CHI3L1: variants seen among roughly 807,000 people sequenced by gnomAD.
The protein encoded by CHI3L1 is chitinase-3-like protein 1.
A neutral mutation model predicts 40.7 loss-of-function variants in CHI3L1; 30 were observed. The ratio of observed to expected loss-of-function variants is 0.74; its 90% CI spans 0.55 to 1.00. The LOEUF is 1.00. CHI3L1 is among the 50% of genes least tolerant of loss of function. CHI3L1 has a pLI of 0.00. For missense variants in CHI3L1, 493 were observed against 492.2 expected, an observed-to-expected ratio of 1.00 and a Z score of -0.01; for synonymous variants, 210 against 192.1, an observed-to-expected ratio of 1.09 and a Z score of -0.77.
At chr1:203,180,263 A>G (rs955129748) in intron 8 of CHI3L1, 1 of 580,846 alleles carries the variant, frequency 1.7e-6, no homozygotes, top group African/African-American at 1.9e-5. Context: ...CCAGGTGCCT[A>G]GTGGTGCAGG....
chr1:203,180,487 T>C lies in CHI3L1; in HGVS notation c.877A>G (p.Thr293Ala). ...IPGRFTKEAG[T>A]LAYYEICDFL... ...TCCATTACCTCATAGTAGGCAAGGG[T>C]CCCTGCCTCCTTGGTGAACCGGCCT... Residue 293 changes from threonine to alanine, a missense_variant, in exon 8 of 10, where the codon ACC (threonine) becomes GCC (alanine). By Grantham distance (58) the Thr-to-Ala change is moderately conservative. Transcript: ENST00000255409. The C allele has an allele frequency of 6.3e-7, 1 of 1,595,078 alleles. No individual in the cohort carries two copies. The highest frequency in any genetic ancestry group is 8.5e-7 in the Non-Finnish European group (1 of 1,173,080).
intron 4 of CHI3L1, 38 bp downstream of exon 4, chr1:203,184,538 C>T (rs1299480196): frequency 6.4e-7 from 1 of 1,565,714 alleles, no homozygotes; most frequent in Non-Finnish European, 8.8e-7. Flanking sequence ...CCTATGCCAT[C>T]ATCCTCTGCC....
chr1:203,185,740 G>C (rs561090837), intron 2 of CHI3L1, among the ~76,000 whole-genome samples: 2 of 152,274 alleles, frequency 1.3e-5, no homozygotes, highest in East Asian at 3.9e-4. Flanking sequence ...TTTGTGGGAG[G>C]GGAAGGCCCA....
chr1:203,183,128 C>T (rs1243267513), intron 5 of CHI3L1, among the ~76,000 whole-genome samples: 1 of 152,220 alleles, frequency 6.6e-6, no homozygotes. Context: ...TGGGTGACCC[C>T]TATTGGCCCA....
intron 4 of CHI3L1, 36 bp from the exon 5 acceptor site, chr1:203,183,827 C>T (rs374991974): frequency 7.1e-5 from 115 of 1,612,616 alleles, no homozygotes; most frequent in Non-Finnish European, 9.5e-5. Context: ...ATGCTCAGCA[C>T]TGATATGCTA....
chr1:203,186,104 A>G (rs1656049732), intron 2 of CHI3L1, among the ~76,000 whole-genome samples: 1 of 152,172 alleles, frequency 6.6e-6, no homozygotes, highest in South Asian at 2.1e-4. Context: ...AAAGTTTCTT[A>G]TTTTGAGAAT....
In CHI3L1 at chr1:203,179,162, G is replaced by T; in HGVS notation, c.*283C>A. The T allele has an allele frequency of 3.6e-6, 1 of 277,174 alleles. No individual in the cohort carries two copies. The highest frequency in any genetic ancestry group is 6.8e-6 in the Non-Finnish European group (1 of 147,728). 17.2% of individuals were successfully genotyped at this position (277,174 alleles called of 1,614,324 possible). On this transcript the variant is annotated 3_prime_UTR_variant, in exon 10 of 10. Coordinates refer to ENST00000255409, the MANE Select transcript of CHI3L1 (RefSeq NM_001276.4). Reference sequence around the variant, plus strand: ...GGCAGGGAGTTGAAGAAATTCCCTTGCCAGGCTTGGGGATCTGTAAACATT... The same window carrying T: ...GGCAGGGAGTTGAAGAAATTCCCTTTCCAGGCTTGGGGATCTGTAAACATT...
intron 2 of CHI3L1, 39 bp from the exon 3 acceptor site, chr1:203,185,424 C>T (rs768074793): frequency 3.3e-5 from 52 of 1,585,416 alleles, no homozygotes; most frequent in African/African-American, 2.7e-4. Context: ...GGCCAGGATT[C>T]GGCAAGAGAC....
At chr1:203,183,959 C>T (rs1656001425) in intron 4 of CHI3L1, among the ~76,000 whole-genome samples, 168 bp from the exon 5 acceptor site, 1 of 152,212 alleles carries the variant, frequency 6.6e-6, no homozygotes, top group African/African-American at 2.4e-5. Context: ...GCCTTAGAGC[C>T]AGGCATTCCA....
At chr1:203,182,674 G>T in intron 6 of CHI3L1, 57 bp downstream of exon 6, 2 of 1,607,970 alleles carry the variant, frequency 1.2e-6, no homozygotes, top group Non-Finnish European at 1.7e-6. Flanking sequence ...GGGGGTGGCG[G>T]GGAAACAGGA....
chr1:203,179,487 G>A lies in CHI3L1; in HGVS notation c.1110C>T (p.Phe370=), dbSNP rs770126580. The A allele has an allele frequency of 1.3e-5, 20 of 1,566,656 alleles. No homozygotes were observed. The Middle Eastern group carries it at 5.1e-4, about 40-fold the overall frequency. ...CATCCTTGATGGCATTGGTGAGAGG[G>A]AAGCGCAGATCCTGGCCACAGAAGG... ...QGSFCGQDLR[F]PLTNAIKDAL... The change falls in exon 10 of 10, where the codon TTC becomes TTT. Residue 370 remains phenylalanine (F), a synonymous_variant. Transcript: ENST00000255409.
rs200906941 is a variant in CHI3L1 at position 203,180,460 on chromosome 1, A to G, written c.894+10T>C. ...GTGGGGGAATCCTACCTTCTCCCCAACTCCATTACCTCATAGTAGGCAAGG... is the reference window on the plus strand; with the variant it reads ...GTGGGGGAATCCTACCTTCTCCCCAGCTCCATTACCTCATAGTAGGCAAGG... On this transcript the variant is annotated intron_variant, in intron 8 of 9. Coordinates refer to ENST00000255409, the MANE Select transcript of CHI3L1 (RefSeq NM_001276.4). The G allele has an allele frequency of 1.9e-6, 3 of 1,546,654 alleles. No homozygotes were observed. The highest frequency in any genetic ancestry group is 1.2e-5 in the South Asian group (1 of 81,098).
intron 2 of CHI3L1, 32 bp downstream of exon 2, chr1:203,186,284 G>T: frequency 6.4e-7 from 1 of 1,572,408 alleles, no homozygotes; most frequent in South Asian, 1.2e-5. Flanking sequence ...CACGCCTCTG[G>T]ACTTAAAAGT....
At chr1:203,186,560 C>T in intron 1 of CHI3L1, 39 bp downstream of exon 1, 1 of 1,613,878 alleles carries the variant, frequency 6.2e-7, no homozygotes, top group Admixed American at 1.7e-5. Flanking sequence ...GCCTGAAAAC[C>T]CACAACTCTG....
intron 6 of CHI3L1, 161 bp from the exon 7 acceptor site, chr1:203,181,446 C>T: frequency 4.7e-6 from 3 of 632,042 alleles, no homozygotes; most frequent in Admixed American, 6.4e-5. Flanking sequence ...GATGGTGAAA[C>T]CCCGTCTCTA....
intron 6 of CHI3L1, 149 bp downstream of exon 6, chr1:203,182,582 T>A: frequency 1.2e-6 from 1 of 823,876 alleles, no homozygotes; most frequent in South Asian, 1.7e-5. Context: ...GGGAAGTGAC[T>A]TGCTCAAGGT....
rs1341669808 is a variant in CHI3L1, at chr1:203,179,045, A to G, written c.*400T>C. On this transcript the variant is annotated 3_prime_UTR_variant, in exon 10 of 10. Coordinates refer to ENST00000255409, the MANE Select transcript of CHI3L1 (RefSeq NM_001276.4). The stretch of plus-strand genomic sequence containing the variant: ...TTTCAAGCTGGGCTTTGCAGGGGGT[A>G]TAATTAGTATGGTCACTGTGTCTTG... 6.1e-6 allele frequency: 1 copy of G among 163,512 alleles called. No homozygotes were observed. Among genetic ancestry groups the G allele is most frequent in the Non-Finnish European group, 1.3e-5 (1 of 75,150 alleles). The allele number at this position is 163,512 out of a possible 1,614,324, so 10.1% of individuals were successfully genotyped here.
intron 5 of CHI3L1, among the ~76,000 whole-genome samples, chr1:203,183,361 G>GTGGGCAA (rs1214855280): frequency 4.6e-5 from 7 of 152,254 alleles, no homozygotes; most frequent in Admixed American, 2.0e-4. Context: ...GGATTGAAGG[G>GTGGGCAA]TGGGCAATGG....
chr1:203,179,705 G>C (rs1490523041), intron 9 of CHI3L1, 56 bp downstream of exon 9: 1 of 1,614,106 alleles, frequency 6.2e-7, no homozygotes, highest in South Asian at 1.1e-5. Context: ...CTGGCTGCTG[G>C]GAGCGGGGCC....
Sources: gnomAD v4.1 joint callset for allele counts (sites outside exome capture counted in the v4.1 genomes callset) on GRCh38, gnomAD v4.1.1 for gene constraint, MANE v1.5 for transcripts, NCBI Gene and HGNC (gene_info 2026-07-23, HGNC 2026-07-21) for gene names.